GARIN1A: variants seen among roughly 807,000 people sequenced by gnomAD.
The protein encoded by GARIN1A is golgi associated RAB2 interactor 1A.
At chr7:128,698,559 A>G in the GARIN1A span, among the ~76,000 whole-genome samples, 1 of 152,120 alleles carries the variant, frequency 6.6e-6, no homozygotes, top group African/African-American at 2.4e-5. Flanking sequence ...TGTTCTGTCC[A>G]TAAAATCAGG....
chr7:128,690,131 A>G, the GARIN1A span, among the ~76,000 whole-genome samples: 5 of 152,236 alleles, frequency 3.3e-5, no homozygotes, highest in Non-Finnish European at 5.9e-5. Flanking sequence ...TCTCTGAAAC[A>G]TGTGCTGTGT....
chr7:128,673,738 G>A, the GARIN1A span, among the ~76,000 whole-genome samples: 2 of 152,162 alleles, frequency 1.3e-5, no homozygotes, highest in Admixed American at 1.3e-4. Context: ...TCCCTTTACT[G>A]TGCCCCAGGA....
At chr7:128,694,528 T>G in the GARIN1A span, among the ~76,000 whole-genome samples, 1 of 142,120 alleles carries the variant, frequency 7.0e-6, no homozygotes, top group Non-Finnish European at 1.5e-5. Context: ...AGTGAGACTC[T>G]GTCTCAAAAA....
At chr7:128,674,848 A>G in the GARIN1A span, among the ~76,000 whole-genome samples, 1 of 152,176 alleles carries the variant, frequency 6.6e-6, no homozygotes, top group Non-Finnish European at 1.5e-5. Context: ...TGATCCCAGC[A>G]CTTTGGGAGG....
chr7:128,699,085 A>C, the GARIN1A span, among the ~76,000 whole-genome samples: 1 of 152,156 alleles, frequency 6.6e-6, no homozygotes, highest in African/African-American at 2.4e-5. Context: ...CCTTATAGTC[A>C]TCTCTAACTC....
chr7:128,703,477 A>G, the GARIN1A span, among the ~76,000 whole-genome samples: 1 of 152,240 alleles, frequency 6.6e-6, no homozygotes, highest in Non-Finnish European at 1.5e-5. Flanking sequence ...CAGCTGAATG[A>G]AAACAAAAAT....
the GARIN1A span, among the ~76,000 whole-genome samples, chr7:128,676,654 C>A: frequency 4.6e-5 from 7 of 151,492 alleles, no homozygotes; most frequent in Non-Finnish European, 4.4e-5. Flanking sequence ...AAAAGTCAAA[C>A]ACGACTATGA....
the GARIN1A span, chr7:128,675,784 C>T: frequency 6.2e-7 from 1 of 1,613,960 alleles, no homozygotes. Flanking sequence ...CTCCTGATGG[C>T]CAATGTTACC....
the GARIN1A span, among the ~76,000 whole-genome samples, chr7:128,695,604 G>C: frequency 3.3e-5 from 5 of 151,174 alleles, no homozygotes; most frequent in Admixed American, 6.6e-5. The surrounding 1 kb of genome is among the most constrained non-coding windows in gnomAD (Gnocchi z 4.5). Context: ...GCGGTGGTGT[G>C]ATCTCGCCTC....
At chr7:128,680,113 C>A in the GARIN1A span, 1 of 1,574,774 alleles carries the variant, frequency 6.4e-7, no homozygotes, top group East Asian at 2.3e-5. Context: ...GGCAGTTTCT[C>A]ACAGCTCTCA....
the GARIN1A span, among the ~76,000 whole-genome samples, chr7:128,708,294 T>A: frequency 9.2e-5 from 14 of 151,904 alleles, no homozygotes. Context: ...CTGAAAGTGT[T>A]GGGATTATAG....
chr7:128,695,891 T>C, the GARIN1A span, among the ~76,000 whole-genome samples: 1 of 152,170 alleles, frequency 6.6e-6, no homozygotes, highest in African/African-American at 2.4e-5. The surrounding 1 kb of genome is among the most constrained non-coding windows in gnomAD (Gnocchi z 4.5). Context: ...ATAAATTCCA[T>C]ACCTATACTA....
chr7:128,693,151 A>G, the GARIN1A span, among the ~76,000 whole-genome samples: 1 of 152,356 alleles, frequency 6.6e-6, no homozygotes, highest in Admixed American at 6.5e-5. Flanking sequence ...CTTTTAGTAA[A>G]CTATCACTGA....
the GARIN1A span, chr7:128,675,683 G>A: frequency 3.1e-6 from 5 of 1,613,564 alleles, no homozygotes; most frequent in Non-Finnish European, 2.5e-6. Context: ...AGGTCACTAA[G>A]CCCGGGAACT....
chr7:128,690,086 G>A, the GARIN1A span, among the ~76,000 whole-genome samples: 41,144 of 152,188 alleles, frequency 0.27, 5,933 homozygotes, highest in East Asian at 0.54. Flanking sequence ...GCCTTGGGAT[G>A]CTGTTGATCT....
the GARIN1A span, chr7:128,691,347 C>A: frequency 6.6e-6 from 1 of 152,252 alleles, no homozygotes; most frequent in Non-Finnish European, 1.5e-5. Context: ...GGCAGGAGAT[C>A]AGAGAGGATG....
the GARIN1A span, chr7:128,678,023 T>A: frequency 9.9e-6 from 3 of 303,242 alleles, no homozygotes; most frequent in Non-Finnish European, 1.8e-5. Flanking sequence ...TTCTTTTTTT[T>A]TTTTTTTTTT....
At chr7:128,674,298 A>T in the GARIN1A span, among the ~76,000 whole-genome samples, 8 of 152,088 alleles carry the variant, frequency 5.3e-5, no homozygotes, top group African/African-American at 1.4e-4. Context: ...TTTAAAAAAA[A>T]ATTTTTGATA....
At chr7:128,681,330 CTCTT>C in the GARIN1A span, among the ~76,000 whole-genome samples, 4 of 152,184 alleles carry the variant, frequency 2.6e-5, no homozygotes, top group Non-Finnish European at 5.9e-5. Flanking sequence ...TGTCACTCTT[CTCTT>C]TCTGTTTCCT....
Sources: allele counts gnomAD v4.1 joint callset (sites outside exome capture counted in the v4.1 genomes callset), GRCh38; gene constraint gnomAD v4.1.1; non-coding constraint Gnocchi (gnomAD v3.1); transcripts MANE v1.5; gene names NCBI Gene and HGNC (gene_info 2026-07-23, HGNC 2026-07-21).